Variants in BCAS3 observed in about 807,000 individuals in gnomAD.
BCAS3 encodes the protein BCAS4/BCAS3 fusion.
A neutral mutation model predicts 116.1 loss-of-function variants in BCAS3; 53 were observed. That is an observed-to-expected ratio of 0.46 (90% CI 0.37 to 0.57). The LOEUF (loss-of-function observed/expected upper bound fraction) is 0.57. BCAS3 is among the 20% of genes least tolerant of loss of function. The pLI is 0.00. For synonymous variants in BCAS3, 391 were observed against 408.2 expected (o/e 0.96, Z 0.51); for missense variants, 917 against 1,165.4 (o/e 0.79, Z 3.10).
At chr17:60,704,837 CAAAAA>C (rs34195685) in intron 4 of BCAS3, among the ~76,000 whole-genome samples, 1 of 142,322 alleles carries the variant, frequency 7.0e-6, no homozygotes, top group Non-Finnish European at 1.5e-5. Flanking sequence ...GACTCAGTCT[CAAAAA>C]AAAAAAAAAG....
chr17:61,250,151 A>G (rs1404714997), intron 22 of BCAS3, among the ~76,000 whole-genome samples: 1 of 152,242 alleles, frequency 6.6e-6, no homozygotes, highest in Non-Finnish European at 1.5e-5. Flanking sequence ...CTTTGCCTTC[A>G]TAATTGTCTG....
intron 22 of BCAS3, among the ~76,000 whole-genome samples, chr17:61,169,941 A>T (rs78967851): frequency 1.3e-5 from 2 of 151,704 alleles, no homozygotes; most frequent in East Asian, 3.9e-4. Context: ...TGCAACTTCC[A>T]CCTCCCGGGT....
At chr17:61,322,832 G>GAGAC (rs1568850538) in intron 22 of BCAS3, among the ~76,000 whole-genome samples, 111 of 119,836 alleles carry the variant, frequency 9.3e-4, no homozygotes, top group African/African-American at 3.6e-3. Context: ...GAGAGAGACA[G>GAGAC]AGAGAGAGAG....
rs1284485949 is a variant in BCAS3 at position 61,056,193 on chromosome 17, A to T, written c.2029+15301A>T. Among the ~76,000 whole-genome samples the T allele has an allele frequency of 6.6e-6, 1 of 152,168 alleles. No individual in the cohort carries two copies. The highest frequency in any genetic ancestry group is 2.4e-5 in the African/African-American group (1 of 41,440). ...TAGACAGACTTGGGAAGAGATGGAG[A>T]TAGAAATTGATTAGTGGCCAAAATA... On this transcript the variant is annotated intron_variant, in intron 19 of 23. Transcript: ENST00000407086. This position sits in a 1 kb window ranked among gnomAD's most constrained non-coding sequence, Gnocchi z 4.9.
chr17:61,320,191 G>A (rs748582768), intron 22 of BCAS3, among the ~76,000 whole-genome samples: 10 of 151,672 alleles, frequency 6.6e-5, no homozygotes, highest in Non-Finnish European at 1.2e-4. Flanking sequence ...CACCTGGCCA[G>A]AATAGTCTTT....
Position 61,377,015 on chromosome 17 carries a change from C to T in BCAS3, c.2593+8521C>T, listed in dbSNP as rs543736056. On this transcript the variant is annotated intron_variant, in intron 23 of 23. Transcript: ENST00000407086. This position sits in a 1 kb window ranked among gnomAD's most constrained non-coding sequence, Gnocchi z 4.6. Reference sequence around the variant, plus strand: ...TCCTACCCTCAAAGAGATTAAAGCCCCAGAGGAGGCCACAATACTGAACGG... The same window carrying T: ...TCCTACCCTCAAAGAGATTAAAGCCTCAGAGGAGGCCACAATACTGAACGG... Among the ~76,000 whole-genome samples, 3 of 152,262 alleles carry T rather than the reference C, an allele frequency of 2.0e-5. No homozygotes were observed. Among genetic ancestry groups the T allele is most frequent in the Non-Finnish European group, 4.4e-5 (3 of 68,028 alleles).
In BCAS3 at chr17:61,286,363, C is replaced by T. The variant is rs1249704621; in HGVS notation, c.2426-81964C>T. Among the ~76,000 whole-genome samples the T allele has an allele frequency of 6.6e-6, 1 of 152,138 alleles. No homozygotes were observed. Among genetic ancestry groups the T allele is most frequent in the Non-Finnish European group, 1.5e-5 (1 of 68,028 alleles). On this transcript the variant is annotated intron_variant, in intron 22 of 23. Coordinates refer to ENST00000407086, the MANE Select transcript of BCAS3 (RefSeq NM_017679.5). This position sits in a 1 kb window ranked among gnomAD's most constrained non-coding sequence, Gnocchi z 4.8. ...GTTGCTGGGTTTATACTGATGTCTG[C>T]GCCCACTCCTGTGCTGGTGAAGTCT...
intron 22 of BCAS3, among the ~76,000 whole-genome samples, chr17:61,342,609 T>C (rs1409979574): frequency 6.6e-6 from 1 of 152,220 alleles, no homozygotes; most frequent in African/African-American, 2.4e-5. Context: ...GCTAGCAGCC[T>C]CAGTTGCTCA....
intron 6 of BCAS3, among the ~76,000 whole-genome samples, chr17:60,780,706 T>G (rs2045750844): frequency 6.6e-6 from 1 of 152,228 alleles, no homozygotes; most frequent in Non-Finnish European, 1.5e-5. Flanking sequence ...TGATAATTTG[T>G]TTGGAAAATA....
At chr17:60,947,067 G>T (rs1272521809) in intron 13 of BCAS3, 152 bp from the exon 14 acceptor site, 3 of 716,242 alleles carry the variant, frequency 4.2e-6, no homozygotes, top group African/African-American at 3.6e-5. Flanking sequence ...ACATGAAAAA[G>T]ATATTTTATT....
intron 7 of BCAS3, among the ~76,000 whole-genome samples, chr17:60,845,288 G>A (rs1247623168): frequency 6.6e-6 from 1 of 152,192 alleles, no homozygotes; most frequent in African/African-American, 2.4e-5. Flanking sequence ...ATCTCGTGAA[G>A]GTCTTTATTT....
chr17:60,928,439 GAT>G (rs2059475328), intron 13 of BCAS3, among the ~76,000 whole-genome samples: 1 of 152,188 alleles, frequency 6.6e-6, no homozygotes, highest in South Asian at 2.1e-4. Context: ...GTTGTGCACA[GAT>G]ATGTTTTTCA....
At chr17:60,963,616 C>T (rs1253020225) in intron 14 of BCAS3, among the ~76,000 whole-genome samples, 12 of 146,424 alleles carry the variant, frequency 8.2e-5, no homozygotes, top group East Asian at 6.0e-4. Flanking sequence ...AGTGCAGTGG[C>T]GCAATCTCAG....
intron 4 of BCAS3, among the ~76,000 whole-genome samples, chr17:60,698,183 C>CAG (rs2035881772): frequency 1.8e-5 from 1 of 55,290 alleles, no homozygotes; most frequent in African/African-American, 6.6e-5. Flanking sequence ...CTCCGTCTCA[C>CAG]AAAAAAAAAA....
chr17:61,160,641 G>A (rs957366882), intron 22 of BCAS3, among the ~76,000 whole-genome samples: 4 of 152,122 alleles, frequency 2.6e-5, no homozygotes, highest in Non-Finnish European at 4.4e-5. Flanking sequence ...AAAATGCCTA[G>A]GGCTGATGGT....
chr17:61,252,387 GC>G (rs1240404656), intron 22 of BCAS3, among the ~76,000 whole-genome samples: 4 of 152,060 alleles, frequency 2.6e-5, no homozygotes, highest in African/African-American at 4.8e-5. Context: ...CCCTTGTTCA[GC>G]CCCCCCAGTT....
In BCAS3 at chr17:61,204,841, C is replaced by G. The variant is rs1442551232; in HGVS notation, c.2425+120277C>G. 1.3e-5 allele frequency among the ~76,000 whole-genome samples: 2 copies of G among 152,090 alleles called. No individual in the cohort carries two copies. The highest frequency in any genetic ancestry group is 2.9e-5 in the Non-Finnish European group (2 of 68,022). ...CTGAGGCACGCAGATCAGTTGAGGC[C>G]AGGAGTTCGAGACCAGCCTGGGCAA... On this transcript the variant is annotated intron_variant, in intron 22 of 23. Transcript: ENST00000407086. This position sits in a 1 kb window ranked among gnomAD's most constrained non-coding sequence, Gnocchi z 4.2.
At chr17:60,804,517 A>G (rs1020873462) in intron 6 of BCAS3, among the ~76,000 whole-genome samples, 5 of 152,038 alleles carry the variant, frequency 3.3e-5, no homozygotes, top group African/African-American at 1.2e-4. Context: ...AAGGTAGTAT[A>G]TTATTCTGTA....
intron 22 of BCAS3, among the ~76,000 whole-genome samples, chr17:61,257,828 A>T (rs988213011): frequency 6.6e-6 from 1 of 152,212 alleles, no homozygotes; most frequent in Non-Finnish European, 1.5e-5. Flanking sequence ...CAAGTATTAA[A>T]TGCAGTGACA....
Sources: allele counts gnomAD v4.1 joint callset (sites outside exome capture counted in the v4.1 genomes callset), GRCh38; gene constraint gnomAD v4.1.1; non-coding constraint Gnocchi (gnomAD v3.1); transcripts MANE v1.5; gene names NCBI Gene and HGNC (gene_info 2026-07-23, HGNC 2026-07-21).